SMCHD1: variants seen among roughly 807,000 people sequenced by gnomAD.
SMCHD1 encodes the protein structural maintenance of chromosomes flexible hinge domain containing 1, also known as structural maintenance of chromosomes flexible hinge domain-containing protein 1.
In SMCHD1, 78 loss-of-function variants were observed where a neutral mutation model predicts 254.7. The ratio of observed to expected loss-of-function variants is 0.31; its 90% confidence interval spans 0.26 to 0.37. The LOEUF (loss-of-function observed/expected upper bound fraction) is 0.37, where lower values mean the gene tolerates loss of function less well. SMCHD1 is among the 10% of genes least tolerant of loss of function. The pLI is 1.00. For synonymous variants in SMCHD1, 766 were observed against 794.9 expected (o/e 0.96, Z 0.61); for missense variants, 1,840 against 2,408.1 (o/e 0.76, Z 4.94).
At chr18:2,748,335 T>G (rs561228211) in intron 30 of SMCHD1, among the ~76,000 whole-genome samples, 8 of 146,358 alleles carry the variant, frequency 5.5e-5, no homozygotes, top group African/African-American at 2.1e-4. Context: ...TGCTAGTCTT[T>G]GCAAAGTTGT....
rs140041894 is a variant in SMCHD1 at position 2,780,556 on chromosome 18, GAACT to G, written c.5547+2324_5547+2327del. On this transcript the variant is annotated intron_variant, in intron 44 of 47. Coordinates refer to ENST00000320876, the MANE Select transcript of SMCHD1 (RefSeq NM_015295.3). ...GGTGAGAAGCTTGCTGGTAAGGATT[GAACT>G]AACTAATAGGATGGTAACCGGAAGA... 5.6e-3 allele frequency among the ~76,000 whole-genome samples: 859 copies of G among 152,242 alleles called. 18 individuals are homozygous for G. In the South Asian group the frequency reaches 0.068, roughly 12 times the overall value.
rs2073655321 is a variant in SMCHD1, at chr18:2,673,064, G to A, written c.425-217G>A. ...GAATCATGGCTGGCTGACTCATGCT[G>A]TATAGTGCCATACAAGTACTGATTG... On this transcript the variant is annotated intron_variant, in intron 3 of 47. Transcript: ENST00000320876. The A allele has an allele frequency of 8.1e-6, 8 of 985,338 alleles. No individual in the cohort carries two copies. The South Asian group carries it at 3.3e-4, about 41-fold the overall frequency. 61.0% of individuals were successfully genotyped at this position (985,338 alleles called of 1,614,324 possible).
chr18:2,784,939 C>G (rs1428158144), intron 45 of SMCHD1: 5 of 376,592 alleles, frequency 1.3e-5, no homozygotes, highest in Non-Finnish European at 2.5e-5. Flanking sequence ...TAGCAAGACT[C>G]CATCTCTTAA....
chr18:2,765,576 ACATAAAAATCTG>A (rs1479716121), intron 37 of SMCHD1, among the ~76,000 whole-genome samples: 1 of 152,182 alleles, frequency 6.6e-6, no homozygotes, highest in Non-Finnish European at 1.5e-5. Context: ...TGGAATTTTT[ACATAAAAATCTG>A]CATTTCTAAT....
At chr18:2,800,214 G>T (rs2076336021) in intron 47 of SMCHD1, among the ~76,000 whole-genome samples, 1 of 151,844 alleles carries the variant, frequency 6.6e-6, no homozygotes, top group African/African-American at 2.4e-5. Context: ...CCCAAACAGG[G>T]AGAGTGGCAA....
Position 2,718,171 on chromosome 18 carries a change from T to TA in SMCHD1, c.2277dup (p.Glu760ArgfsTer7). On this transcript the variant is annotated frameshift_variant, in exon 18 of 48. Transcript: ENST00000320876. LOFTEE classifies it high-confidence loss of function. The surrounding 1 kb of genome is among the most constrained non-coding windows in gnomAD (Gnocchi z 4.6). Reference sequence around the variant, plus strand: ...TCTTTTATTAAGCTTCAAGTGGAAATAAAGAGATTATTTCGCATATTAGTC... The same window carrying TA: ...TCTTTTATTAAGCTTCAAGTGGAAATAAAAGAGATTATTTCGCATATTAGTC... 1 of 1,610,200 alleles carries TA rather than the reference T, an allele frequency of 6.2e-7. No individual in the cohort carries two copies.
chr18:2,796,301 C>A, intron 46 of SMCHD1, 106 bp from the exon 47 acceptor site: 1 of 865,370 alleles, frequency 1.2e-6, no homozygotes, highest in Non-Finnish European at 1.8e-6. Context: ...TCTCAGTATA[C>A]TTTCTTAATT....
At chr18:2,762,452 G>A (rs151172451) in intron 36 of SMCHD1, among the ~76,000 whole-genome samples, 2 of 150,212 alleles carry the variant, frequency 1.3e-5, no homozygotes, top group Non-Finnish European at 3.0e-5. Flanking sequence ...AGAATAATAA[G>A]CAGAACTGAC....
intron 47 of SMCHD1, among the ~76,000 whole-genome samples, chr18:2,797,617 T>G (rs2076285311): frequency 6.6e-6 from 1 of 152,230 alleles, no homozygotes; most frequent in African/African-American, 2.4e-5. Flanking sequence ...AGGGACAATT[T>G]AAAAAGTAAA....
chr18:2,748,744 T>C (rs117878914), intron 30 of SMCHD1, among the ~76,000 whole-genome samples: 2,739 of 152,232 alleles, frequency 0.018, 41 homozygotes, highest in Middle Eastern at 0.1. Context: ...AGGGAATTCA[T>C]TGGTCCCAGC....
Position 2,700,528 on chromosome 18 carries a change from T to C in SMCHD1, c.1343-11T>C. 9 of 1,595,858 alleles carry C rather than the reference T, an allele frequency of 5.6e-6. No individual in the cohort carries two copies. Among genetic ancestry groups the C allele is most frequent in the Admixed American group, 1.8e-5 (1 of 55,272 alleles). On this transcript the variant is annotated splice_polypyrimidine_tract_variant and intron_variant, in intron 10 of 47. Coordinates refer to ENST00000320876, the MANE Select transcript of SMCHD1 (RefSeq NM_015295.3). Reference sequence around the variant, plus strand: ...AATAAACATTTTGTTCCATTTGCCCTTTTGATCTAGAATTAAAAGATGAAG... The same window carrying C: ...AATAAACATTTTGTTCCATTTGCCCCTTTGATCTAGAATTAAAAGATGAAG...
intron 17 of SMCHD1, among the ~76,000 whole-genome samples, chr18:2,712,172 T>C (rs138730779): frequency 1.0e-3 from 152 of 152,258 alleles, no homozygotes; most frequent in African/African-American, 3.4e-3. Flanking sequence ...TGCTAGCATA[T>C]TGTTGAGAAT....
At position 2,700,977 on chromosome 18, in the gene SMCHD1, G is replaced by A. The variant is rs1373601859; in HGVS notation, c.1647+59G>A. On this transcript the variant is annotated intron_variant, in intron 12 of 47. Coordinates refer to ENST00000320876, the MANE Select transcript of SMCHD1 (RefSeq NM_015295.3). ...GCAAATGTTTTATTTTTAAGTAAAA[G>A]AAGACACTAGCAGTGTAGGTTTTTA... 3 of 1,261,928 alleles carry A rather than the reference G, an allele frequency of 2.4e-6. No homozygotes were observed. The Admixed American group carries it at 6.7e-5, about 28-fold the overall frequency. The allele number at this position is 1,261,928 out of a possible 1,614,324, so 78.2% of individuals were successfully genotyped here.
At chr18:2,710,386 C>T (rs2074639682) in intron 17 of SMCHD1, among the ~76,000 whole-genome samples, 1 of 152,100 alleles carries the variant, frequency 6.6e-6, no homozygotes, top group African/African-American at 2.4e-5. Flanking sequence ...ATGGAGATTC[C>T]CTATGAATGT....
chr18:2,703,603 A>T (rs746680859), intron 12 of SMCHD1, 89 bp from the exon 13 acceptor site: 1 of 1,106,040 alleles, frequency 9.0e-7, no homozygotes, highest in Admixed American at 2.6e-5. Flanking sequence ...GAGTATATGA[A>T]AGGAAAAAAA....
Position 2,666,911 on chromosome 18 carries a change from T to G in SMCHD1, c.304T>G (p.Ser102Ala). ...KDGVTLYLLQ[S>A]VNQLLLTATK... is the part of the protein sequence containing the mutation. ...TGGAGTCACCTTATACCTGCTACAGTCGGTCAATCAGTTACTACTGACAGC... is the reference window on the plus strand; with the variant it reads ...TGGAGTCACCTTATACCTGCTACAGGCGGTCAATCAGTTACTACTGACAGC... Residue 102 changes from serine to alanine, a missense_variant, in exon 3 of 48, where the codon TCG (serine) becomes GCG (alanine). By Grantham distance (99) the Ser-to-Ala change is moderately conservative. Transcript: ENST00000320876. 6.2e-7 allele frequency: 1 copy of G among 1,613,422 alleles called. No individual in the cohort carries two copies. The highest frequency in any genetic ancestry group is 8.5e-7 in the Non-Finnish European group (1 of 1,179,558).
intron 34 of SMCHD1, among the ~76,000 whole-genome samples, chr18:2,753,728 T>A (rs2099268713): frequency 6.6e-6 from 1 of 151,916 alleles, no homozygotes; most frequent in Non-Finnish European, 1.5e-5. Context: ...TTATTTATTT[T>A]GTGTGTGTGT....
intron 24 of SMCHD1, among the ~76,000 whole-genome samples, chr18:2,730,361 G>A (rs1247808798): frequency 2.0e-5 from 3 of 152,018 alleles, no homozygotes; most frequent in Non-Finnish European, 4.4e-5. Context: ...TAGTAGAGAT[G>A]GGGTTTCACC....
chr18:2,696,977 A>G lies in SMCHD1; in HGVS notation c.1041-55A>G, dbSNP rs929219914. The G allele has an allele frequency of 3.8e-5, 31 of 808,938 alleles. No homozygotes were observed. The African/African-American group carries it at 5.6e-4, about 15-fold the overall frequency. 50.1% of individuals were successfully genotyped at this position (808,938 alleles called of 1,614,324 possible). A position where few individuals can be genotyped will look rare whatever the true frequency, so the allele number is the denominator to read the frequency against. ...TTAAAATATTTTGATAGAAGATTAC[A>G]TTAACTATAATTTTATGTGAATTAA... is the stretch of plus-strand genomic sequence containing the variant. On this transcript the variant is annotated intron_variant, in intron 8 of 47. Coordinates refer to ENST00000320876, the MANE Select transcript of SMCHD1 (RefSeq NM_015295.3).
Sources: allele counts gnomAD v4.1 joint callset (sites outside exome capture counted in the v4.1 genomes callset), GRCh38; gene constraint gnomAD v4.1.1; non-coding constraint Gnocchi (gnomAD v3.1); transcripts MANE v1.5; gene names NCBI Gene and HGNC (gene_info 2026-07-23, HGNC 2026-07-21).